The following GNAL variants were observed in gnomAD, a reference collection of about 807,000 sequenced individuals.
GNAL encodes guanine nucleotide-binding protein G(olf) subunit alpha.
Under a neutral mutation model 55.1 loss-of-function variants are expected in GNAL, and 18 were observed. The ratio of observed to expected loss-of-function variants is 0.33; its 90% CI spans 0.23 to 0.48. GNAL has a LOEUF of 0.48. GNAL is among the 20% of genes least tolerant of loss of function. The pLI is 0.99. For missense variants in GNAL, 412 were observed against 614.1 expected, an observed-to-expected ratio of 0.67 and a Z score of 3.48; for synonymous variants, 253 against 237.0, an observed-to-expected ratio of 1.07 and a Z score of -0.62.
At chr18:11,793,597 C>A (rs930117197) in intron 4 of GNAL, among the ~76,000 whole-genome samples, 2 of 151,760 alleles carry the variant, frequency 1.3e-5, no homozygotes, top group African/African-American at 4.9e-5. Context: ...AAATAAAAAT[C>A]TACAACTCAA....
intron 1 of GNAL, among the ~76,000 whole-genome samples, chr18:11,702,708 G>C (rs919788704): frequency 6.6e-6 from 1 of 151,888 alleles, no homozygotes; most frequent in Non-Finnish European, 1.5e-5. Context: ...TTGCAGCACA[G>C]CATAAAATAC....
intron 1 of GNAL, among the ~76,000 whole-genome samples, chr18:11,726,356 G>A (rs140175283): frequency 6.6e-6 from 1 of 152,190 alleles, no homozygotes; most frequent in Non-Finnish European, 1.5e-5. Flanking sequence ...TAGGAACCTA[G>A]ATTTCTTGGA....
chr18:11,785,735 C>T (rs772663222), intron 4 of GNAL, among the ~76,000 whole-genome samples: 2 of 152,112 alleles, frequency 1.3e-5, no homozygotes, highest in Non-Finnish European at 2.9e-5. Context: ...AGAAGGAACC[C>T]TTCTGCCCAG....
rs183962477 is a variant in GNAL, at chr18:11,844,452, A to G, written c.723-17943A>G. Among the ~76,000 whole-genome samples, 13 of 152,300 alleles carry G rather than the reference A, an allele frequency of 8.5e-5. 1 individual carries two copies. The highest frequency in any genetic ancestry group is 2.9e-4 in the African/African-American group (12 of 41,562). ...TCTATCTCAAAATAAATAAATAAAT[A>G]GGTTCTCAGGATACATGGTTCCTGG... is the stretch of plus-strand genomic sequence containing the variant. On this transcript the variant is annotated intron_variant, in intron 5 of 11. Transcript: ENST00000334049.
At chr18:11,796,993 C>T (rs2034407119) in intron 4 of GNAL, among the ~76,000 whole-genome samples, 1 of 152,142 alleles carries the variant, frequency 6.6e-6, no homozygotes, top group Non-Finnish European at 1.5e-5. Flanking sequence ...CTCACTGTGC[C>T]ACCCAGGCTG....
intron 10 of GNAL, among the ~76,000 whole-genome samples, chr18:11,875,971 G>T (rs1456247141): frequency 6.6e-6 from 1 of 152,004 alleles, no homozygotes; most frequent in Non-Finnish European, 1.5e-5. Context: ...TCTCTCTCAG[G>T]CCTCTTACAA....
intron 4 of GNAL, among the ~76,000 whole-genome samples, chr18:11,821,672 G>GATCCCAGCCCCGCTGGGC (rs1010374438): frequency 1.3e-5 from 2 of 152,230 alleles, no homozygotes; most frequent in South Asian, 2.1e-4. Flanking sequence ...GGGCGCTGAG[G>GATCCCAGCCCCGCTGGGC]ATCCCAGCCC....
chr18:11,782,248 C>T (rs554751406), intron 4 of GNAL, among the ~76,000 whole-genome samples: 9 of 152,018 alleles, frequency 5.9e-5, no homozygotes, highest in Non-Finnish European at 8.8e-5. Flanking sequence ...TCCAGGGAGG[C>T]GGAGCTTGCA....
rs75520548 is a variant in GNAL, at chr18:11,875,640, C to A, written c.1163-981C>A. ...GTCTCACTCCCTGTGCATCTTCTGC[C>A]ATGATTGGAAGCTTCCTGAGGCCTC... is the stretch of plus-strand genomic sequence containing the variant. On this transcript the variant is annotated intron_variant, in intron 10 of 11. Coordinates refer to ENST00000334049, the MANE Select transcript of GNAL (RefSeq NM_182978.4). Among the ~76,000 whole-genome samples, 21 of 152,264 alleles carry A rather than the reference C, an allele frequency of 1.4e-4. No homozygotes were observed. In the East Asian group the frequency reaches 4.1e-3, roughly 29 times the overall value.
chr18:11,851,826 C>T (rs1455292566), intron 5 of GNAL: 6 of 1,613,820 alleles, frequency 3.7e-6, no homozygotes, highest in Non-Finnish European at 4.2e-6. Flanking sequence ...CATTGAAGAC[C>T]ATGAATCTGG....
intron 4 of GNAL, among the ~76,000 whole-genome samples, chr18:11,755,076 ATGGTGGTT>A (rs1247110341): frequency 6.6e-6 from 1 of 151,730 alleles, no homozygotes; most frequent in African/African-American, 2.4e-5. Context: ...ATTGCCTGGC[ATGGTGGTT>A]TGGAGACATT....
At chr18:11,731,511 T>TG (rs1161030160) in intron 1 of GNAL, among the ~76,000 whole-genome samples, 2 of 152,186 alleles carry the variant, frequency 1.3e-5, no homozygotes, top group African/African-American at 4.8e-5. Flanking sequence ...ATTCAGTCAG[T>TG]GGGGGGCCTT....
chr18:11,786,436 C>CTTTTTTTTTTTT lies in GNAL; in HGVS notation c.624+32510_624+32521dup, dbSNP rs66803403. On this transcript the variant is annotated intron_variant, in intron 4 of 11. Transcript: ENST00000334049. ...GGTGGGATAGATCTTCATACGTTTTCTTTTTTTTTTTTTTTTTTTTTTTTT... is the reference window on the plus strand; with the variant it reads ...GGTGGGATAGATCTTCATACGTTTTCTTTTTTTTTTTTTTTTTTTTTTTTTTTTTTTTTTTTT... 2.6e-4 allele frequency among the ~76,000 whole-genome samples: 16 copies of CTTTTTTTTTTTT among 60,686 alleles called. 4 individuals are homozygous for CTTTTTTTTTTTT. Among genetic ancestry groups the CTTTTTTTTTTTT allele is most frequent in the African/African-American group, 4.2e-4 (6 of 14,268 alleles). 39.8% of individuals were successfully genotyped at this position (60,686 alleles called of 152,430 possible). A position where few individuals can be genotyped will look rare whatever the true frequency, so the allele number is the denominator to read the frequency against.
intron 4 of GNAL, among the ~76,000 whole-genome samples, chr18:11,777,120 G>A (rs906973098): frequency 3.3e-5 from 5 of 152,336 alleles, no homozygotes; most frequent in Non-Finnish European, 5.9e-5. Context: ...GACTGTTAGT[G>A]TGATTTTGTA....
intron 1 of GNAL, among the ~76,000 whole-genome samples, chr18:11,691,356 A>G (rs2031241607): frequency 2.0e-5 from 3 of 151,588 alleles, no homozygotes; most frequent in Admixed American, 2.0e-4. Flanking sequence ...CATTCTGGAT[A>G]TTAGCCCTTT....
intron 4 of GNAL, among the ~76,000 whole-genome samples, chr18:11,819,693 C>G (rs979099971): frequency 2.0e-5 from 3 of 151,998 alleles, no homozygotes; most frequent in Non-Finnish European, 4.4e-5. Flanking sequence ...GTGAATTACT[C>G]TTTTCAGACA....
chr18:11,773,175 G>A (rs1216053987), intron 4 of GNAL, among the ~76,000 whole-genome samples: 1 of 152,226 alleles, frequency 6.6e-6, no homozygotes, highest in Non-Finnish European at 1.5e-5. Flanking sequence ...TGGCACCAAG[G>A]TGTCCCCTTA....
intron 1 of GNAL, among the ~76,000 whole-genome samples, chr18:11,692,807 G>GAATAAATA (rs111642875): frequency 0.15 from 22,482 of 150,654 alleles, 2,629 homozygotes; most frequent in African/African-American, 0.33. Flanking sequence ...TCTCAAAAAT[G>GAATAAATA]AATAAATAAA....
At chr18:11,763,649 G>A (rs6505674) in intron 4 of GNAL, among the ~76,000 whole-genome samples, 49,985 of 151,906 alleles carry the variant, frequency 0.33, 9,038 homozygotes, top group African/African-American at 0.48. Flanking sequence ...GAGATTACAG[G>A]TGTGAGCCAC....
Sources: allele counts gnomAD v4.1 joint callset (sites outside exome capture counted in the v4.1 genomes callset), GRCh38; gene constraint gnomAD v4.1.1; transcripts MANE v1.5; gene names NCBI Gene and HGNC (gene_info 2026-07-23, HGNC 2026-07-21).